Variants in CFAP54 observed in about 807,000 individuals in gnomAD.
CFAP54 encodes cilia- and flagella-associated protein 54.
CFAP54 carries 290 observed loss-of-function variants against 370.4 expected under a neutral mutation model. That is an observed-to-expected ratio of 0.78 (90% CI 0.71 to 0.86). The LOEUF (loss-of-function observed/expected upper bound fraction) is 0.86, where lower values mean the gene tolerates loss of function less well. CFAP54 is among the 40% of genes least tolerant of loss of function. CFAP54 has a pLI of 0.00. For missense variants in CFAP54, 3,399 were observed against 3,528.7 expected, an observed-to-expected ratio of 0.96 and a Z score of 0.93; for synonymous variants, 1,206 against 1,236.5, an observed-to-expected ratio of 0.98 and a Z score of 0.52.
intron 50 of CFAP54, among the ~76,000 whole-genome samples, chr12:96,728,924 G>A (rs1262430169): frequency 1.3e-5 from 2 of 152,204 alleles, no homozygotes; most frequent in Non-Finnish European, 2.9e-5. Flanking sequence ...AGGTCTGTTG[G>A]ACTTTGCTAG....
At chr12:96,838,764 G>T (rs1422799585) in intron 66 of CFAP54, among the ~76,000 whole-genome samples, 3 of 152,198 alleles carry the variant, frequency 2.0e-5, no homozygotes, top group African/African-American at 7.2e-5. Context: ...CAGAGTCCTT[G>T]ACCCAAAAAG....
chr12:96,770,704 A>G (rs1958452100), intron 60 of CFAP54, among the ~76,000 whole-genome samples: 1 of 152,236 alleles, frequency 6.6e-6, no homozygotes, highest in Admixed American at 6.5e-5. Context: ...GCTGTGTGCC[A>G]CAGCTATCTT....
intron 26 of CFAP54, among the ~76,000 whole-genome samples, chr12:96,609,727 A>T (rs947577423): frequency 6.6e-6 from 1 of 152,232 alleles, no homozygotes; most frequent in African/African-American, 2.4e-5. Flanking sequence ...GATTCTATGT[A>T]ATACACTTAC....
At position 96,630,659 on chromosome 12, in the gene CFAP54, CTAAT is replaced by C; in HGVS notation, c.4316+18_4316+21del. ...AATGGTGGCACATGAAAGGTATTCA[CTAAT>C]TAATTAATTCAATAAAAGTTTACTT... On this transcript the variant is annotated intron_variant, in intron 32 of 67. Coordinates refer to ENST00000524981, the MANE Select transcript of CFAP54 (RefSeq NM_001306084.2). The C allele has an allele frequency of 4.2e-6, 6 of 1,438,104 alleles. No individual in the cohort carries two copies. Among genetic ancestry groups the C allele is most frequent in the South Asian group, 1.4e-5 (1 of 71,628 alleles). 89.1% of individuals were successfully genotyped at this position (1,438,104 alleles called of 1,614,324 possible).
At chr12:96,595,526 G>C (rs561628418) in intron 25 of CFAP54, among the ~76,000 whole-genome samples, 8 of 152,266 alleles carry the variant, frequency 5.3e-5, no homozygotes, top group Admixed American at 1.3e-4. Context: ...GAAGATGTGA[G>C]TGAACTCACA....
chr12:96,520,083 A>G (rs1167941685), intron 6 of CFAP54, among the ~76,000 whole-genome samples: 3 of 152,132 alleles, frequency 2.0e-5, no homozygotes, highest in Admixed American at 6.5e-5. Flanking sequence ...GCTGGAGTGC[A>G]GTGGTCTGAT....
chr12:96,661,335 CA>C (rs1419338286), intron 38 of CFAP54, among the ~76,000 whole-genome samples: 1 of 152,128 alleles, frequency 6.6e-6, no homozygotes, highest in Non-Finnish European at 1.5e-5. Context: ...TGTCAAGAAA[CA>C]GGGACAAGAC....
intron 4 of CFAP54, among the ~76,000 whole-genome samples, chr12:96,512,470 G>A (rs1468872401): frequency 1.3e-5 from 2 of 151,330 alleles, no homozygotes; most frequent in Non-Finnish European, 2.9e-5. Context: ...AGTCTCCCAA[G>A]TAGCTGGGAC....
intron 19 of CFAP54, among the ~76,000 whole-genome samples, chr12:96,571,299 T>C (rs1462396160): frequency 6.6e-6 from 1 of 152,190 alleles, no homozygotes; most frequent in Non-Finnish European, 1.5e-5. Flanking sequence ...CAGACAAAAA[T>C]ACTTTGGACT....
chr12:96,630,453 A>G, intron 31 of CFAP54, 98 bp from the exon 32 acceptor site: 1 of 693,160 alleles, frequency 1.4e-6, no homozygotes, highest in Non-Finnish European at 2.2e-6. Flanking sequence ...AAACTACTGT[A>G]TTTCAATGTC....
At chr12:96,700,226 A>G (rs1318769680) in intron 46 of CFAP54, 133 bp downstream of exon 46, 3 of 967,762 alleles carry the variant, frequency 3.1e-6, no homozygotes, top group Non-Finnish European at 3.0e-6. Flanking sequence ...CCTGGTTACA[A>G]CTAACATCAG....
chr12:96,666,924 A>G (rs912988908), intron 39 of CFAP54, among the ~76,000 whole-genome samples: 34 of 152,226 alleles, frequency 2.2e-4, no homozygotes, highest in African/African-American at 8.2e-4. Flanking sequence ...AGCCTGTAAA[A>G]TCAAAAGCAA....
At chr12:96,588,652 A>C (rs1396952814) in intron 22 of CFAP54, among the ~76,000 whole-genome samples, 2 of 150,286 alleles carry the variant, frequency 1.3e-5, no homozygotes, top group Admixed American at 1.3e-4. Context: ...ACTTCATTCC[A>C]TGAATGCATT....
chr12:96,600,666 G>A (rs1019751102), intron 26 of CFAP54, among the ~76,000 whole-genome samples: 11 of 152,130 alleles, frequency 7.2e-5, no homozygotes, highest in Admixed American at 4.6e-4. Context: ...ATTTCGTTGA[G>A]CAGTGGTTTG....
At chr12:96,834,790 C>T (rs1481976956) in intron 66 of CFAP54, among the ~76,000 whole-genome samples, 1 of 152,194 alleles carries the variant, frequency 6.6e-6, no homozygotes, top group Admixed American at 6.5e-5. Context: ...TGTGTTACAG[C>T]TTTTTTAGCC....
chr12:96,620,353 C>T (rs543762796), intron 26 of CFAP54, among the ~76,000 whole-genome samples: 75 of 152,294 alleles, frequency 4.9e-4, no homozygotes, highest in African/African-American at 1.7e-3. Flanking sequence ...CTTTCCTGTG[C>T]TGTTCTGGTG....
chr12:96,737,854 C>T (rs942495212), intron 50 of CFAP54, among the ~76,000 whole-genome samples: 1 of 152,110 alleles, frequency 6.6e-6, no homozygotes, highest in South Asian at 2.1e-4. Flanking sequence ...CTTCTGGGAG[C>T]CTTCTTATAG....
chr12:96,521,783 A>G, intron 6 of CFAP54, 74 bp from the exon 7 acceptor site: 1 of 1,149,064 alleles, frequency 8.7e-7, no homozygotes. Flanking sequence ...GCCTGGGAGA[A>G]CAAAACATTG....
chr12:96,584,151 T>C (rs1021790680), intron 22 of CFAP54, among the ~76,000 whole-genome samples: 4 of 147,922 alleles, frequency 2.7e-5, no homozygotes, highest in Non-Finnish European at 1.5e-5. Flanking sequence ...CTTTTGTCTA[T>C]TTTATTTTTC....
Sources: allele counts gnomAD v4.1 joint callset (sites outside exome capture counted in the v4.1 genomes callset), GRCh38; gene constraint gnomAD v4.1.1; transcripts MANE v1.5; gene names NCBI Gene and HGNC (gene_info 2026-07-23, HGNC 2026-07-21).